Variants in KCNIP1 observed in about 807,000 individuals in gnomAD.
KCNIP1 encodes A-type potassium channel modulatory protein KCNIP1.
In KCNIP1, 18 loss-of-function variants were observed where a neutral mutation model predicts 33.0. The ratio of observed to expected loss-of-function variants is 0.55; its 90% CI spans 0.38 to 0.81. KCNIP1 has a LOEUF of 0.81. Among genes scored for constraint, KCNIP1 ranks in the 30% least tolerant of loss-of-function variants. The pLI, the probability that KCNIP1 is intolerant of heterozygous loss-of-function variation, is 0.00. For missense variants in KCNIP1, 238 were observed against 271.6 expected, an observed-to-expected ratio of 0.88 and a Z score of 0.87; for synonymous variants, 93 against 98.3, an observed-to-expected ratio of 0.95 and a Z score of 0.32.
chr5:170,664,115 A>G (rs1581467163), intron 1 of KCNIP1, among the ~76,000 whole-genome samples: 2 of 151,996 alleles, frequency 1.3e-5, no homozygotes, highest in East Asian at 1.9e-4. Flanking sequence ...TGCCCTGCCT[A>G]TGTCTCCAGC....
intron 1 of KCNIP1, among the ~76,000 whole-genome samples, chr5:170,405,360 A>ATTAT (rs1445875753): frequency 1.3e-5 from 2 of 152,070 alleles, no homozygotes; most frequent in Non-Finnish European, 2.9e-5. Context: ...TGCCCAGTTA[A>ATTAT]TTATTAGTAT....
chr5:170,673,299 A>C (rs1456858266), intron 1 of KCNIP1, among the ~76,000 whole-genome samples: 3 of 152,242 alleles, frequency 2.0e-5, no homozygotes, highest in Non-Finnish European at 4.4e-5. Context: ...TTCTAGTTCT[A>C]CCACTTACTA....
chr5:170,447,993 C>T (rs938174826), intron 1 of KCNIP1, among the ~76,000 whole-genome samples: 2 of 151,938 alleles, frequency 1.3e-5, no homozygotes, highest in African/African-American at 4.8e-5. Context: ...CCCTGAGAAG[C>T]CCTCCCAGAT....
intron 1 of KCNIP1, among the ~76,000 whole-genome samples, chr5:170,698,913 A>G (rs768083739): frequency 4.6e-5 from 7 of 152,168 alleles, no homozygotes; most frequent in Non-Finnish European, 1.0e-4. Context: ...TGCCATGGCT[A>G]CATGAAGATC....
chr5:170,680,917 G>A (rs1290912482), intron 1 of KCNIP1: 1 of 397,026 alleles, frequency 2.5e-6, no homozygotes. Flanking sequence ...AGGGGTAGGA[G>A]TGGAAGGAAG....
chr5:170,392,909 G>A (rs958419451), intron 1 of KCNIP1, among the ~76,000 whole-genome samples: 1 of 152,200 alleles, frequency 6.6e-6, no homozygotes, highest in Admixed American at 6.5e-5. Context: ...GCAGTGATAT[G>A]GGAGGGTATT....
At chr5:170,382,129 G>A (rs886980041) in intron 1 of KCNIP1, among the ~76,000 whole-genome samples, 7 of 152,222 alleles carry the variant, frequency 4.6e-5, no homozygotes, top group Middle Eastern at 3.4e-3. Flanking sequence ...TGCTTGCTGC[G>A]GCCTTGGCTC....
chr5:170,550,670 C>T (rs978885960), intron 1 of KCNIP1, among the ~76,000 whole-genome samples: 1 of 148,992 alleles, frequency 6.7e-6, no homozygotes, highest in Non-Finnish European at 1.5e-5. Context: ...ATGACAATGA[C>T]AATACTGGTG....
intron 1 of KCNIP1, among the ~76,000 whole-genome samples, chr5:170,597,784 A>AATAGATATATAT (rs1433551163): frequency 5.9e-5 from 8 of 134,480 alleles, no homozygotes; most frequent in African/African-American, 2.1e-4. Context: ...GAGAGAGATA[A>AATAGATATATAT]ATATATATAT....
intron 1 of KCNIP1, among the ~76,000 whole-genome samples, chr5:170,633,274 G>A (rs1319361408): frequency 6.6e-6 from 1 of 152,092 alleles, no homozygotes; most frequent in African/African-American, 2.4e-5. Context: ...AGGGGACCGC[G>A]AGAGCGAGAG....
chr5:170,622,315 T>C (rs538091056), intron 1 of KCNIP1, among the ~76,000 whole-genome samples: 5 of 152,232 alleles, frequency 3.3e-5, no homozygotes, highest in African/African-American at 1.2e-4. Context: ...CAGTGACTGA[T>C]GTCCTTATAA....
intron 1 of KCNIP1, chr5:170,482,925 G>T (rs1380284532): frequency 2.8e-6 from 1 of 351,482 alleles, no homozygotes; most frequent in South Asian, 2.2e-5. Flanking sequence ...GTCCTGAGAG[G>T]TTTTATCTGG....
chr5:170,410,082 G>A (rs1755141707), intron 1 of KCNIP1, among the ~76,000 whole-genome samples: 1 of 152,234 alleles, frequency 6.6e-6, no homozygotes, highest in African/African-American at 2.4e-5. Context: ...CAGGAATCCT[G>A]GGCAAAGCCA....
At chr5:170,468,134 C>G (rs1756648037) in intron 1 of KCNIP1, among the ~76,000 whole-genome samples, 1 of 152,024 alleles carries the variant, frequency 6.6e-6, no homozygotes, top group Non-Finnish European at 1.5e-5. Context: ...AAGTTGAAAT[C>G]TTACTGTATT....
chr5:170,655,629 A>G (rs1761229075), intron 1 of KCNIP1, among the ~76,000 whole-genome samples: 1 of 152,174 alleles, frequency 6.6e-6, no homozygotes, highest in Non-Finnish European at 1.5e-5. Context: ...CAGGTGGTTC[A>G]GGCTGTTCTT....
intron 1 of KCNIP1, chr5:170,354,012 G>C (rs749126277): frequency 1.9e-6 from 3 of 1,549,538 alleles, no homozygotes; most frequent in African/African-American, 2.7e-5. Flanking sequence ...ATATGGCCTG[G>C]CTGGTCGCAT....
intron 1 of KCNIP1, among the ~76,000 whole-genome samples, chr5:170,633,200 A>C (rs1371668627): frequency 6.6e-6 from 1 of 152,110 alleles, no homozygotes; most frequent in Non-Finnish European, 1.5e-5. Context: ...CCTGGCGTCC[A>C]GAAGAGGTAA....
intron 1 of KCNIP1, among the ~76,000 whole-genome samples, chr5:170,574,916 C>T (rs1239082195): frequency 6.6e-6 from 1 of 152,200 alleles, no homozygotes; most frequent in African/African-American, 2.4e-5. Flanking sequence ...GTGGCTCTGC[C>T]AGGGTTTGTT....
chr5:170,444,413 A>G (rs1347134231), intron 1 of KCNIP1, among the ~76,000 whole-genome samples: 1 of 152,154 alleles, frequency 6.6e-6, no homozygotes, highest in Non-Finnish European at 1.5e-5. Flanking sequence ...CAAGACCCAG[A>G]GGATTCCACA....
Sources: gnomAD v4.1 joint callset for allele counts (sites outside exome capture counted in the v4.1 genomes callset) on GRCh38, gnomAD v4.1.1 for gene constraint, MANE v1.5 for transcripts, NCBI Gene and HGNC (gene_info 2026-07-23, HGNC 2026-07-21) for gene names.